The following TMPRSS9 variants were observed in gnomAD, a reference collection of about 807,000 sequenced individuals.
TMPRSS9 encodes the protein transmembrane protease serine 9.
TMPRSS9 carries 113 observed loss-of-function variants against 111.4 expected under a neutral mutation model. The ratio of observed to expected loss-of-function variants is 1.01; its 90% CI spans 0.87 to 1.19. TMPRSS9 has a LOEUF of 1.19. Among genes scored for constraint, TMPRSS9 ranks in the 50% most tolerant of loss-of-function variants. TMPRSS9 has a pLI of 0.00. For missense variants in TMPRSS9, 1,803 were observed against 1,513.1 expected (o/e 1.19, Z -3.18); for synonymous variants, 805 against 659.1 (o/e 1.22, Z -3.39).
At chr19:2,362,970 T>G (rs1333453125) in intron 1 of TMPRSS9, among the ~76,000 whole-genome samples, 1 of 151,986 alleles carries the variant, frequency 6.6e-6, no homozygotes, top group Non-Finnish European at 1.5e-5. Flanking sequence ...TGTGGTTGTG[T>G]GTGCAAATCC....
intron 17 of TMPRSS9, 107 bp downstream of exon 18, chr19:2,425,600 C>G: frequency 7.2e-7 from 1 of 1,382,006 alleles, no homozygotes; most frequent in Non-Finnish European, 9.3e-7. Context: ...CCGGTGCAGG[C>G]TTCTCCAGCG....
At chr19:2,394,030 G>A (rs771760441) in intron 1 of TMPRSS9, among the ~76,000 whole-genome samples, 8 of 151,672 alleles carry the variant, frequency 5.3e-5, no homozygotes, top group African/African-American at 7.3e-5. Flanking sequence ...ATGAAACCCC[G>A]TCTCTACTAA....
At chr19:2,400,654 G>C (rs1262535075) in intron 4 of TMPRSS9, among the ~76,000 whole-genome samples, 1 of 151,982 alleles carries the variant, frequency 6.6e-6, no homozygotes, top group Non-Finnish European at 1.5e-5. Context: ...CATGATTGGA[G>C]AGTCAGATGC....
At chr19:2,408,270 A>G in intron 7 of TMPRSS9, 86 bp from the exon 9 acceptor site, 1 of 1,394,740 alleles carries the variant, frequency 7.2e-7, no homozygotes, top group Admixed American at 1.9e-5. Context: ...TACCCCTTAC[A>G]TTTTGCACCC....
exon 17 of TMPRSS9, chr19:2,425,403 C>G (rs375639705): frequency 1.3e-6 from 2 of 1,566,832 alleles, no homozygotes; most frequent in Non-Finnish European, 1.7e-6. Flanking sequence ...GCCTCCTCAG[C>G]GAGCAGACCT....
At chr19:2,394,001 AACCATCCTG>A (rs1370925644) in intron 1 of TMPRSS9, among the ~76,000 whole-genome samples, 1 of 151,728 alleles carries the variant, frequency 6.6e-6, no homozygotes, top group Non-Finnish European at 1.5e-5. Context: ...AGGAGATTGA[AACCATCCTG>A]GCCAACATGA....
rs146089494 is a variant in TMPRSS9, at chr19:2,405,466, C to T, written c.763C>T (p.Arg255Ter). The T allele has an allele frequency of 1.1e-5, 18 of 1,608,510 alleles. No individual in the cohort carries two copies. Among genetic ancestry groups the T allele is most frequent in the Admixed American group, 1.7e-5 (1 of 58,794 alleles). ...GGAGTTTCCGTGGCAAGCCAGCCTT[C>T]GAGAGAACAAGGAGCACTTCTGTGG... The change falls in exon 7 of 18, where the codon CGA (arginine) becomes TGA (stop). Residue 255 changes from arginine (R) to a stop codon, truncating the protein, a stop_gained. Transcript: ENST00000648592. LOFTEE classifies it high-confidence loss of function.
At chr19:2,392,530 A>G (rs1280570346) in intron 1 of TMPRSS9, among the ~76,000 whole-genome samples, 2 of 152,208 alleles carry the variant, frequency 1.3e-5, no homozygotes, top group South Asian at 4.1e-4. Context: ...ACATGGTGAA[A>G]CCCTGTCTCT....
intron 1 of TMPRSS9, among the ~76,000 whole-genome samples, chr19:2,373,549 G>C (rs62120683): frequency 0.068 from 10,385 of 151,812 alleles, 460 homozygotes; most frequent in East Asian, 0.25. Context: ...ATTTTTAGTA[G>C]AGACGGGGTT....
chr19:2,408,371 G>C, exon 8 of TMPRSS9: 1 of 1,613,436 alleles, frequency 6.2e-7, no homozygotes. Context: ...AAGACCCGAC[G>C]AAGTGGGTGG....
chr19:2,413,793 C>T (rs755605005), exon 10 of TMPRSS9: 34 of 1,613,732 alleles, frequency 2.1e-5, no homozygotes, highest in East Asian at 1.3e-4. Flanking sequence ...TGCGGAAGCC[C>T]GGCGTCCAGG....
At chr19:2,383,920 A>G (rs1447559083) in intron 1 of TMPRSS9, among the ~76,000 whole-genome samples, 3 of 152,090 alleles carry the variant, frequency 2.0e-5, no homozygotes, top group Non-Finnish European at 2.9e-5. Flanking sequence ...TATTGCATAG[A>G]CTGAACCATC....
intron 1 of TMPRSS9, among the ~76,000 whole-genome samples, chr19:2,363,662 G>C (rs56170406): frequency 0.065 from 9,893 of 151,546 alleles, 1,127 homozygotes; most frequent in African/African-American, 0.23. Flanking sequence ...TAGAGCTCCC[G>C]GCCCTGCGCC....
chr19:2,403,051 G>A, intron 5 of TMPRSS9, 31 bp from the exon 7 acceptor site: 3 of 1,556,332 alleles, frequency 1.9e-6, no homozygotes, highest in South Asian at 2.3e-5. Context: ...TGTAGCATGA[G>A]GTCAGAAAGT....
intron 13 of TMPRSS9, among the ~76,000 whole-genome samples, chr19:2,420,124 T>C (rs1403718910): frequency 6.6e-6 from 1 of 151,962 alleles, no homozygotes; most frequent in Admixed American, 6.6e-5. Flanking sequence ...ATCACACAGC[T>C]GCACTCCATC....
chr19:2,421,937 C>T (rs202152418), exon 14 of TMPRSS9: 34 of 1,613,136 alleles, frequency 2.1e-5, no homozygotes, highest in South Asian at 4.4e-5. Flanking sequence ...GTATTGGCTG[C>T]GCTCAGGTTA....
At chr19:2,416,428 G>A (rs990099270) in intron 11 of TMPRSS9, 110 bp from the exon 13 acceptor site, 6 of 1,406,700 alleles carry the variant, frequency 4.3e-6, no homozygotes, top group Non-Finnish European at 5.7e-6. Flanking sequence ...TGGTCCTGGG[G>A]CCCAGGCAGC....
Position 2,415,739 on chromosome 19 carries a change from A to G in TMPRSS9, c.1643A>G (p.Glu548Gly), listed in dbSNP as rs1271188884. 8.7e-6 allele frequency: 14 copies of G among 1,609,694 alleles called. No individual in the cohort carries two copies. In the South Asian group the frequency reaches 1.2e-4, roughly 14 times the overall value. The stretch of plus-strand genomic sequence containing the variant: ...GGCGGGTTCGGAGCTGCCTCCGGGG[A>G]GGTGCCCTGGCAGGTCAGCCTGAAG... The change falls in exon 11 of 18, where the codon GAG becomes GGG. Residue 548 changes from glutamate (E) to glycine (G), a missense_variant. By Grantham distance (98) the Glu-to-Gly change is moderately conservative (BLOSUM62 -2). Transcript: ENST00000648592.
At chr19:2,420,332 C>T (rs1971434469) in intron 13 of TMPRSS9, among the ~76,000 whole-genome samples, 1 of 151,636 alleles carries the variant, frequency 6.6e-6, no homozygotes, top group African/African-American at 2.4e-5. Flanking sequence ...ATTCTAGCTA[C>T]TCCGGAGGCT....
Sources: gnomAD v4.1 joint callset for allele counts (sites outside exome capture counted in the v4.1 genomes callset) on GRCh38, gnomAD v4.1.1 for gene constraint, MANE v1.5 for transcripts, NCBI Gene and HGNC (gene_info 2026-07-23, HGNC 2026-07-21) for gene names.